KCNIP4: variants seen among roughly 807,000 people sequenced by gnomAD.
KCNIP4 encodes Kv channel-interacting protein 4.
Under a neutral mutation model 34.0 loss-of-function variants are expected in KCNIP4, and 12 were observed. The ratio of observed to expected loss-of-function variants is 0.35; its 90% confidence interval spans 0.23 to 0.57. The LOEUF (loss-of-function observed/expected upper bound fraction) is 0.57, where lower values mean the gene tolerates loss of function less well. Ranked by LOEUF, KCNIP4 falls within the 20% of genes least tolerant of loss-of-function variation. KCNIP4 has a pLI of 0.83. For synonymous variants in KCNIP4, 124 were observed against 102.2 expected (o/e 1.21, Z -1.29); for missense variants, 238 against 311.7 (o/e 0.76, Z 1.78).
At chr4:20,756,199 C>T (rs534085770) in intron 4 of KCNIP4, among the ~76,000 whole-genome samples, 2 of 151,280 alleles carry the variant, frequency 1.3e-5, no homozygotes, top group East Asian at 3.9e-4. Context: ...TTGGCAAGGT[C>T]AATGGCAAAG....
In KCNIP4 at chr4:21,694,914, C is replaced by CAAAAAAAAAAAAAA. The variant is rs368053041; in HGVS notation, c.61+253643_61+253656dup. Among the ~76,000 whole-genome samples the CAAAAAAAAAAAAAA allele has an allele frequency of 2.2e-4, 10 of 46,506 alleles. 2 individuals are homozygous for CAAAAAAAAAAAAAA. Among genetic ancestry groups the CAAAAAAAAAAAAAA allele is most frequent in the African/African-American group, 6.6e-4 (10 of 15,250 alleles). 30.5% of individuals were successfully genotyped at this position (46,506 alleles called of 152,430 possible). On this transcript the variant is annotated intron_variant, in intron 1 of 8. Coordinates refer to ENST00000382152, the MANE Select transcript of KCNIP4 (RefSeq NM_025221.6). ...CGTTTCCTCAGATAACACGATTGACCAAAAAAAAAAAAAAAATAAAAATAA... is the reference window on the plus strand; with the variant it reads ...CGTTTCCTCAGATAACACGATTGACCAAAAAAAAAAAAAAAAAAAAAAAAAAAAAATAAAAATAA...
chr4:20,760,002 C>A (rs1044646310), intron 3 of KCNIP4, among the ~76,000 whole-genome samples: 1 of 152,152 alleles, frequency 6.6e-6, no homozygotes, highest in Non-Finnish European at 1.5e-5. Flanking sequence ...TATCCTGTAT[C>A]TTTGATCTGC....
Position 21,913,197 on chromosome 4 carries a change from C to T in KCNIP4, c.61+35374G>A, listed in dbSNP as rs149982062. 2.4e-3 allele frequency among the ~76,000 whole-genome samples: 359 copies of T among 152,034 alleles called. 1 individual carries two copies. Among genetic ancestry groups the T allele is most frequent in the Non-Finnish European group, 4.5e-3 (303 of 67,966 alleles). Reference sequence around the variant, plus strand: ...TCTTATAAAAAAGGGGTTTGGTAGCCAGGCATGGTGGTACATGCCTGCAGA... The same window carrying T: ...TCTTATAAAAAAGGGGTTTGGTAGCTAGGCATGGTGGTACATGCCTGCAGA... On this transcript the variant is annotated intron_variant, in intron 1 of 8. Transcript: ENST00000382152.
At chr4:21,059,435 T>C (rs761756018) in intron 1 of KCNIP4, among the ~76,000 whole-genome samples, 8 of 152,130 alleles carry the variant, frequency 5.3e-5, no homozygotes, top group Non-Finnish European at 1.2e-4. Context: ...TTTCTGCTGC[T>C]GGGGAACCCT....
intron 1 of KCNIP4, among the ~76,000 whole-genome samples, chr4:21,745,979 G>C (rs983642612): frequency 1.3e-5 from 2 of 152,032 alleles, no homozygotes; most frequent in African/African-American, 4.8e-5. Context: ...ATATTTTCTC[G>C]CAGATCTGGA....
At chr4:21,676,523 A>C (rs1749913078) in intron 1 of KCNIP4, among the ~76,000 whole-genome samples, 1 of 152,228 alleles carries the variant, frequency 6.6e-6, no homozygotes, top group Admixed American at 6.5e-5. Context: ...TTTTTCAACT[A>C]GTCCAAATTC....
intron 2 of KCNIP4, among the ~76,000 whole-genome samples, chr4:20,857,506 A>T (rs1721729874): frequency 6.6e-6 from 1 of 152,096 alleles, no homozygotes; most frequent in African/African-American, 2.4e-5. Flanking sequence ...ACTGAGTCTC[A>T]TGGATGTGAA....
chr4:20,823,338 G>A (rs1437015490), intron 3 of KCNIP4, among the ~76,000 whole-genome samples: 1 of 152,092 alleles, frequency 6.6e-6, no homozygotes, highest in African/African-American at 2.4e-5. Context: ...TTAAATAAAA[G>A]GATAGGGAGC....
chr4:20,949,057 C>T (rs1408037759), intron 1 of KCNIP4, among the ~76,000 whole-genome samples: 1 of 152,106 alleles, frequency 6.6e-6, no homozygotes, highest in Non-Finnish European at 1.5e-5. Context: ...GGCAAGTGGC[C>T]GTGATTTTTT....
chr4:21,734,745 T>C (rs192746784), intron 1 of KCNIP4, among the ~76,000 whole-genome samples: 13 of 152,248 alleles, frequency 8.5e-5, no homozygotes, highest in Non-Finnish European at 1.8e-4. Flanking sequence ...CAACAGAATT[T>C]TCAAAAGCTA....
intron 1 of KCNIP4, among the ~76,000 whole-genome samples, chr4:21,414,913 G>A (rs1354128274): frequency 6.6e-6 from 1 of 151,974 alleles, no homozygotes; most frequent in Admixed American, 6.6e-5. Context: ...GGTAAATGGG[G>A]TATTCACCTC....
At chr4:21,252,913 A>G (rs1967398) in intron 1 of KCNIP4, among the ~76,000 whole-genome samples, 42,211 of 152,032 alleles carry the variant, frequency 0.28, 10,297 homozygotes, top group African/African-American at 0.66. Context: ...TTAACCTCTC[A>G]GCATTTCAAC....
At chr4:21,716,094 G>A (rs1462861668) in intron 1 of KCNIP4, among the ~76,000 whole-genome samples, 1 of 152,140 alleles carries the variant, frequency 6.6e-6, no homozygotes, top group Non-Finnish European at 1.5e-5. Context: ...CTAATCTGAA[G>A]TTTATGGGGA....
chr4:21,590,747 A>G (rs1742138063), intron 1 of KCNIP4, among the ~76,000 whole-genome samples: 1 of 152,010 alleles, frequency 6.6e-6, no homozygotes, highest in South Asian at 2.1e-4. Flanking sequence ...ACATGTTATT[A>G]GTTTATTGTT....
intron 1 of KCNIP4, among the ~76,000 whole-genome samples, chr4:21,779,026 G>GAC: frequency 6.6e-6 from 1 of 152,022 alleles, no homozygotes; most frequent in Non-Finnish European, 1.5e-5. Flanking sequence ...GAGAGAGAGA[G>GAC]AGAGAGAGAA....
intron 1 of KCNIP4, among the ~76,000 whole-genome samples, chr4:21,771,584 G>GT (rs1451094484): frequency 3.3e-5 from 5 of 152,124 alleles, no homozygotes; most frequent in Non-Finnish European, 7.4e-5. Flanking sequence ...AGGATGGAAT[G>GT]TTTTCCCATT....
Position 21,744,402 on chromosome 4 carries a change from T to C in KCNIP4, c.61+204169A>G, listed in dbSNP as rs116160240. ...ACATACTTACAACTTTTGTGACCTTTGTCTTTGCATGGTCTACATCCCCAC... is the reference window on the plus strand; with the variant it reads ...ACATACTTACAACTTTTGTGACCTTCGTCTTTGCATGGTCTACATCCCCAC... On this transcript the variant is annotated intron_variant, in intron 1 of 8. Transcript: ENST00000382152. 8.7e-3 allele frequency among the ~76,000 whole-genome samples: 1,330 copies of C among 152,320 alleles called. 19 individuals carry two copies. Among genetic ancestry groups the C allele is most frequent in the South Asian group, 0.039 (187 of 4,826 alleles).
intron 3 of KCNIP4, among the ~76,000 whole-genome samples, chr4:20,829,156 C>T (rs1040791628): frequency 5.3e-5 from 8 of 152,106 alleles, no homozygotes; most frequent in Non-Finnish European, 8.8e-5. Context: ...AAGTTTAAGA[C>T]GAAGGTCCAG....
rs138619588 is a variant in KCNIP4, at chr4:21,062,464, A to G, written c.62-179755T>C. ...GGATTAGGAGGCCAACCTAACCCATATGACTGGTGTATTAGTCAAGGTTCT... is the reference window on the plus strand; with the variant it reads ...GGATTAGGAGGCCAACCTAACCCATGTGACTGGTGTATTAGTCAAGGTTCT... On this transcript the variant is annotated intron_variant, in intron 1 of 8. Transcript: ENST00000382152. Among the ~76,000 whole-genome samples, 694 of 152,184 alleles carry G rather than the reference A, an allele frequency of 4.6e-3. 6 individuals are homozygous for G. Among genetic ancestry groups the G allele is most frequent in the African/African-American group, 0.016 (662 of 41,530 alleles).
Sources: gnomAD v4.1 joint callset for allele counts (sites outside exome capture counted in the v4.1 genomes callset) on GRCh38, gnomAD v4.1.1 for gene constraint, MANE v1.5 for transcripts, NCBI Gene and HGNC (gene_info 2026-07-23, HGNC 2026-07-21) for gene names.